NOL12: variants seen among roughly 807,000 people sequenced by gnomAD.
NOL12 encodes the protein nucleolar protein 12.
A neutral mutation model predicts 25.2 loss-of-function variants in NOL12; 21 were observed. The ratio of observed to expected loss-of-function variants is 0.83; its 90% CI spans 0.59 to 1.20. The LOEUF (loss-of-function observed/expected upper bound fraction) is 1.20, where lower values mean the gene tolerates loss of function less well. Ranked by LOEUF, NOL12 falls within the 50% of genes most tolerant of loss-of-function variation. The probability of loss-of-function intolerance (pLI) is 0.00; values close to 1 mark genes in which losing one functional copy is unlikely to be tolerated. For synonymous variants in NOL12, 133 were observed against 113.8 expected (o/e 1.17, Z -1.08); for missense variants, 286 against 287.6 (o/e 0.99, Z 0.04).
chr22:37,690,017 C>T (rs1461246657), intron 4 of NOL12, among the ~76,000 whole-genome samples: 1 of 152,192 alleles, frequency 6.6e-6, no homozygotes, highest in African/African-American at 2.4e-5. Context: ...ACTAAAAATA[C>T]AAAATTAGCT....
chr22:37,688,920 C>T lies in NOL12; in HGVS notation c.309C>T (p.His103=). 5 of 1,613,998 alleles carry T rather than the reference C, an allele frequency of 3.1e-6. No homozygotes were observed. The highest frequency in any genetic ancestry group is 1.1e-5 in the South Asian group (1 of 91,086). The change falls in exon 4 of 6, where the codon CAC becomes CAT. Residue 103 remains histidine (H), a synonymous_variant. Transcript: ENST00000359114. ...TESVQYDHPN[H]TVTVTTISDL... ...CGGTGCAGTATGACCACCCCAACCA[C>T]ACAGTCACCGTGACCACCATCAGTG...
Position 37,693,002 on chromosome 22 carries a change from A to G in NOL12, c.*1666A>G, listed in dbSNP as rs1011080122. ...GCTCCGCCCACCTGCTCTCCCTGCC[A>G]CCAAGTTGTCTTCCCCGGGTGGCAT... On this transcript the variant is annotated 3_prime_UTR_variant, in exon 6 of 6. Transcript: ENST00000359114. The G allele has an allele frequency of 1.0e-4, 32 of 309,296 alleles. No individual in the cohort carries two copies. The highest frequency in any genetic ancestry group is 1.9e-4 in the Non-Finnish European group (32 of 169,150). The allele number at this position is 309,296 out of a possible 1,614,324, so 19.2% of individuals were successfully genotyped here.
At position 37,691,278 on chromosome 22, in the gene NOL12, G is replaced by T. The variant is rs755868562; in HGVS notation, c.584G>T (p.Arg195Leu). The part of the protein sequence containing the change: ...QDSKKPPRAP[R>L]TSKAQRRRLT... ...TCCAAAAAGCCCCCAAGGGCCCCTC[G>T]TACCAGCAAGGCCCAGCGCCGCCGT... is the stretch of plus-strand genomic sequence containing the variant. The change falls in exon 6 of 6, where the codon CGT becomes CTT. Residue 195 changes from arginine to leucine, a missense_variant. By Grantham distance (102) the Arg-to-Leu change is moderately radical (BLOSUM62 -2). Coordinates refer to ENST00000359114, the MANE Select transcript of NOL12 (RefSeq NM_024313.3). 3.7e-6 allele frequency: 6 copies of T among 1,613,874 alleles called. No individual in the cohort carries two copies. The highest frequency in any genetic ancestry group is 2.5e-6 in the Non-Finnish European group (3 of 1,179,964).
chr22:37,691,229 A>G lies in NOL12; in HGVS notation c.535A>G (p.Lys179Glu). The G allele has an allele frequency of 1.2e-6, 2 of 1,614,078 alleles. No homozygotes were observed. Among genetic ancestry groups the G allele is most frequent in the South Asian group, 2.2e-5 (2 of 91,060 alleles). Residue 179 changes from lysine (K) to glutamate (E), a missense_variant, in exon 6 of 6, where the codon AAA (lysine) becomes GAA (glutamate). Lys to Glu is a moderately conservative substitution (Grantham distance 56). Transcript: ENST00000359114. Reference protein sequence around the residue: ...HAHSRKKVKRKHPRRAQDSKK... With the variant: ...HAHSRKKVKREHPRRAQDSKK... ...ACACAGCCGCAAAAAGGTCAAGAGG[A>G]AACATCCCCGACGGGCCCAGGACTC...
intron 3 of NOL12, 81 bp downstream of exon 3, chr22:37,688,441 T>C: frequency 1.4e-6 from 2 of 1,462,546 alleles, no homozygotes; most frequent in Non-Finnish European, 1.9e-6. Flanking sequence ...GGATAGAAGC[T>C]GACCTCCTTG....
chr22:37,688,763 G>A (rs1921930578), intron 3 of NOL12, 87 bp from the exon 4 acceptor site: 6 of 1,384,804 alleles, frequency 4.3e-6, no homozygotes, highest in Admixed American at 1.7e-5. Context: ...CAGAGTAGAG[G>A]GGGCACTGCA....
Position 37,691,272 on chromosome 22 carries a change from C to G in NOL12, c.578C>G (p.Ala193Gly), listed in dbSNP as rs1266199020. 10 of 1,613,948 alleles carry G rather than the reference C, an allele frequency of 6.2e-6. No individual in the cohort carries two copies. Among genetic ancestry groups the G allele is most frequent in the Non-Finnish European group, 4.2e-6 (5 of 1,179,990 alleles). Residue 193 changes from alanine to glycine, a missense_variant, in exon 6 of 6, where the codon GCC becomes GGC. Physicochemically the swap from Ala to Gly is moderately conservative, Grantham distance 60. Coordinates refer to ENST00000359114, the MANE Select transcript of NOL12 (RefSeq NM_024313.3). Reference sequence around the variant, plus strand: ...CAGGACTCCAAAAAGCCCCCAAGGGCCCCTCGTACCAGCAAGGCCCAGCGC... The same window carrying G: ...CAGGACTCCAAAAAGCCCCCAAGGGGCCCTCGTACCAGCAAGGCCCAGCGC... ...RAQDSKKPPR[A>G]PRTSKAQRRR...
rs144538833 is a variant in NOL12, at chr22:37,691,302, G to C, written c.608G>C (p.Arg203Pro). ...APRTSKAQRR[R>P]LTGKARHSGE The stretch of plus-strand genomic sequence containing the variant: ...CGTACCAGCAAGGCCCAGCGCCGCC[G>C]TCTCACAGGCAAAGCACGGCACAGC... The change falls in exon 6 of 6, where the codon CGT becomes CCT. Residue 203 changes from arginine to proline, a missense_variant. Physicochemically the swap from Arg to Pro is moderately radical, Grantham distance 103. Transcript: ENST00000359114. 408 of 1,613,562 alleles carry C rather than the reference G, an allele frequency of 2.5e-4. No individual in the cohort carries two copies. In the African/African-American group the frequency reaches 4.7e-3, roughly 19 times the overall value.
In NOL12 at chr22:37,687,959, G is replaced by A; in HGVS notation, c.133G>A (p.Ala45Thr). Reference sequence around the variant, plus strand: ...GCGGAAGGTCGAGCGAAAGAAGGCAGCCATTGAGGAGATTAAGCAGCGGCT... The same window carrying A: ...GCGGAAGGTCGAGCGAAAGAAGGCAACCATTGAGGAGATTAAGCAGCGGCT... The part of the protein sequence containing the change: ...HKRKVERKKA[A>T]IEEIKQRLKE... The change falls in exon 2 of 6, where the codon GCC becomes ACC. Residue 45 changes from alanine to threonine, a missense_variant. Coordinates refer to ENST00000359114, the MANE Select transcript of NOL12 (RefSeq NM_024313.3). The A allele has an allele frequency of 6.3e-7, 1 of 1,591,504 alleles. No individual in the cohort carries two copies. Among genetic ancestry groups the A allele is most frequent in the Non-Finnish European group, 8.6e-7 (1 of 1,169,208 alleles).
chr22:37,689,119 G>C (rs991808921), intron 4 of NOL12, 127 bp downstream of exon 4: 18 of 1,195,728 alleles, frequency 1.5e-5, no homozygotes, highest in Admixed American at 1.2e-4. Context: ...CGTGGGGGCA[G>C]ACTGGCTTGT....
At position 37,690,807 on chromosome 22, in the gene NOL12, C is replaced by T. The variant is rs372674381; in HGVS notation, c.479+13C>T. On this transcript the variant is annotated intron_variant, in intron 5 of 5. Coordinates refer to ENST00000359114, the MANE Select transcript of NOL12 (RefSeq NM_024313.3). ...TGCTCTCTCAGCGGTGAGTCTTGGCCTGCTGCCTCCCCGGTCCCACCCCTC... is the reference window on the plus strand; with the variant it reads ...TGCTCTCTCAGCGGTGAGTCTTGGCTTGCTGCCTCCCCGGTCCCACCCCTC... 209 of 1,591,442 alleles carry T rather than the reference C, an allele frequency of 1.3e-4. No individual in the cohort carries two copies. Among genetic ancestry groups the T allele is most frequent in the Non-Finnish European group, 1.7e-4 (201 of 1,160,756 alleles).
In NOL12 at chr22:37,691,241, C is replaced by A; in HGVS notation, c.547C>A (p.Arg183=). ...AAAGGTCAAGAGGAAACATCCCCGA[C>A]GGGCCCAGGACTCCAAAAAGCCCCC... is the stretch of plus-strand genomic sequence containing the variant. ...RKKVKRKHPR[R]AQDSKKPPRA... is the part of the protein sequence containing the mutation. Residue 183 remains arginine, a synonymous_variant, in exon 6 of 6, where the codon CGG becomes AGG. Coordinates refer to ENST00000359114, the MANE Select transcript of NOL12 (RefSeq NM_024313.3). The A allele has an allele frequency of 6.2e-7, 1 of 1,614,092 alleles. No individual in the cohort carries two copies. Among genetic ancestry groups the A allele is most frequent in the South Asian group, 1.1e-5 (1 of 91,074 alleles).
intron 1 of NOL12, chr22:37,686,851 G>A (rs1921837795): frequency 2.0e-6 from 2 of 985,320 alleles, no homozygotes; most frequent in South Asian, 9.4e-5. Context: ...TCGCTCCCTA[G>A]ACATTTATTG....
intron 5 of NOL12, 157 bp downstream of exon 5, chr22:37,690,951 C>A (rs1303638680): frequency 2.9e-6 from 2 of 689,084 alleles, no homozygotes; most frequent in African/African-American, 3.6e-5. Flanking sequence ...CTGTCCCACC[C>A]ACCCCTGATA....
At chr22:37,688,262 G>T (rs896302712) in intron 2 of NOL12, 50 bp from the exon 3 acceptor site, 5 of 1,593,228 alleles carry the variant, frequency 3.1e-6, no homozygotes, top group Non-Finnish European at 4.3e-6. Flanking sequence ...CCAGCCTGAG[G>T]TTGGACTGAG....
chr22:37,692,764 G>A lies in NOL12; in HGVS notation c.*1428G>A, dbSNP rs1922127547. ...GGTGAGCAGTGAGCCAGGGTCTGCA[G>A]GGCTGTCCTCTCTCCACAGCCAACA... is the stretch of plus-strand genomic sequence containing the variant. On this transcript the variant is annotated 3_prime_UTR_variant, in exon 6 of 6. Coordinates refer to ENST00000359114, the MANE Select transcript of NOL12 (RefSeq NM_024313.3). 3 of 398,740 alleles carry A rather than the reference G, an allele frequency of 7.5e-6. No individual in the cohort carries two copies. The highest frequency in any genetic ancestry group is 1.3e-5 in the Non-Finnish European group (3 of 226,358). The allele number at this position is 398,740 out of a possible 1,614,324, so 24.7% of individuals were successfully genotyped here.
In NOL12 at chr22:37,691,520, G is replaced by C. The variant is rs780929214; in HGVS notation, c.*184G>C. ...GGTCAGCTGCCTTTGCCTGGGGTTT[G>C]AATTCCCGAAGGAGCAGGCAGCTGA... On this transcript the variant is annotated 3_prime_UTR_variant, in exon 6 of 6. Coordinates refer to ENST00000359114, the MANE Select transcript of NOL12 (RefSeq NM_024313.3). 9.2e-5 allele frequency: 57 copies of C among 622,240 alleles called. No individual in the cohort carries two copies. The highest frequency in any genetic ancestry group is 1.3e-4 in the Non-Finnish European group (52 of 396,100). 38.5% of individuals were successfully genotyped at this position (622,240 alleles called of 1,614,324 possible).
At position 37,692,186 on chromosome 22, in the gene NOL12, G is replaced by A; in HGVS notation, c.*850G>A. On this transcript the variant is annotated 3_prime_UTR_variant, in exon 6 of 6. Transcript: ENST00000359114. The stretch of plus-strand genomic sequence containing the variant: ...AGCCTGGCCAACATGGTGAAACCCT[G>A]TCTCTACTAAAAATGCAAAAATTAG... 1 of 229,204 alleles carries A rather than the reference G, an allele frequency of 4.4e-6. No individual in the cohort carries two copies. Among genetic ancestry groups the A allele is most frequent in the Non-Finnish European group, 8.4e-6 (1 of 119,018 alleles). The allele number at this position is 229,204 out of a possible 1,614,324, so 14.2% of individuals were successfully genotyped here. A position where few individuals can be genotyped will look rare whatever the true frequency, so the allele number is the denominator to read the frequency against.
intron 1 of NOL12, 83 bp from the exon 2 acceptor site, chr22:37,687,827 G>A (rs1351768540): frequency 5.9e-6 from 6 of 1,012,606 alleles, no homozygotes; most frequent in African/African-American, 3.2e-5. Context: ...TAGTGAGCGC[G>A]GCATTAGCCA....
Sources: gnomAD v4.1 joint callset for allele counts (sites outside exome capture counted in the v4.1 genomes callset) on GRCh38, gnomAD v4.1.1 for gene constraint, MANE v1.5 for transcripts, NCBI Gene and HGNC (gene_info 2026-07-23, HGNC 2026-07-21) for gene names.